STAB2: variants seen among roughly 807,000 people sequenced by gnomAD.
STAB2 encodes stabilin-2.
In STAB2, 288 loss-of-function variants were observed where a neutral mutation model predicts 338.1. That is an observed-to-expected ratio of 0.85 (90% CI 0.77 to 0.94). The LOEUF (loss-of-function observed/expected upper bound fraction) is 0.94. STAB2 is among the 40% of genes least tolerant of loss of function. The pLI is 0.00. For missense variants in STAB2, 3,141 were observed against 3,210.1 expected, an observed-to-expected ratio of 0.98 and a Z score of 0.52; for synonymous variants, 1,202 against 1,193.3, an observed-to-expected ratio of 1.01 and a Z score of -0.15.
chr12:103,766,209 C>T, intron 68 of STAB2, 77 bp from the exon 69 acceptor site: 1 of 1,576,086 alleles, frequency 6.3e-7, no homozygotes, highest in Non-Finnish European at 8.7e-7. Context: ...ATGCCTCAGA[C>T]CAGTGGCCAC....
intron 10 of STAB2, 45 bp from the exon 11 acceptor site, chr12:103,650,450 TG>T (rs1873653237): frequency 6.4e-7 from 1 of 1,563,458 alleles, no homozygotes; most frequent in Non-Finnish European, 8.8e-7. Context: ...CCTGTACCAC[TG>T]ACTCATTTGG....
intron 3 of STAB2, among the ~76,000 whole-genome samples, chr12:103,602,023 T>C (rs1237321904): frequency 6.6e-6 from 1 of 152,228 alleles, no homozygotes; most frequent in Non-Finnish European, 1.5e-5. Context: ...AGTATACAGC[T>C]ATTCAAGCTT....
At position 103,637,339 on chromosome 12, in the gene STAB2, T is replaced by C. The variant is rs568246674; in HGVS notation, c.709+103T>C. 8.4e-5 allele frequency: 123 copies of C among 1,459,120 alleles called. No individual in the cohort carries two copies. The African/African-American group carries it at 1.4e-3, about 17-fold the overall frequency. 90.4% of individuals were successfully genotyped at this position (1,459,120 alleles called of 1,614,324 possible). ...CTCCTTAACACAATGACCATTTCTA[T>C]TTCTCGCTGTGTAGTTGAGTGAAAC... On this transcript the variant is annotated intron_variant, in intron 7 of 68. Transcript: ENST00000388887.
Position 103,740,665 on chromosome 12 carries a change from C to T in STAB2, c.5790C>T (p.Phe1930=), listed in dbSNP as rs1229656884. 5.0e-6 allele frequency: 8 copies of T among 1,612,056 alleles called. No homozygotes were observed. In the Admixed American group the frequency reaches 1.3e-4, roughly 27 times the overall value. ...AGAAGTGTCTCTACAACCTGCCCTT[C>T]AAGAGGAACCTGGAAGGCTGCCGGG... ...VKQKCLYNLP[F]KRNLEGCRER... The change falls in exon 55 of 69, where the codon TTC becomes TTT. Residue 1930 remains phenylalanine, a synonymous_variant. Transcript: ENST00000388887.
intron 15 of STAB2, chr12:103,657,580 A>C (rs1874288080): frequency 6.6e-6 from 1 of 152,066 alleles, no homozygotes; most frequent in African/African-American, 2.4e-5. Flanking sequence ...TTATAGCTTG[A>C]AATAAGCCTT....
chr12:103,709,499 G>T (rs1221613195), intron 39 of STAB2, among the ~76,000 whole-genome samples: 1 of 152,192 alleles, frequency 6.6e-6, no homozygotes. Context: ...CTGGAAGCAG[G>T]TATCAGAGAC....
intron 44 of STAB2, among the ~76,000 whole-genome samples, chr12:103,718,336 AC>A (rs199878460): frequency 0.042 from 6,351 of 152,030 alleles, 183 homozygotes; most frequent in Non-Finnish European, 0.061. Flanking sequence ...TTCTACTCTC[AC>A]CCCACAACTA....
chr12:103,612,840 G>A (rs145971094), intron 3 of STAB2, among the ~76,000 whole-genome samples: 1,629 of 152,248 alleles, frequency 0.011, 40 homozygotes, highest in African/African-American at 0.037. Context: ...GGTCTTTGAT[G>A]AAGGTGACGT....
chr12:103,739,527 C>CTG (rs35471201), intron 54 of STAB2, 59 bp downstream of exon 54: 24,711 of 670,406 alleles, frequency 0.037, 436 homozygotes, highest in East Asian at 0.1. Context: ...ATTATCAGAC[C>CTG]TGTGTGTGTG....
At chr12:103,695,035 T>C (rs1878278672) in intron 31 of STAB2, among the ~76,000 whole-genome samples, 1 of 152,182 alleles carries the variant, frequency 6.6e-6, no homozygotes, top group Non-Finnish European at 1.5e-5. Context: ...AAAAATGTCC[T>C]ATTATTACAT....
chr12:103,685,761 T>C (rs909130612), intron 27 of STAB2, among the ~76,000 whole-genome samples: 2 of 152,232 alleles, frequency 1.3e-5, no homozygotes, highest in Admixed American at 1.3e-4. Flanking sequence ...TAAATCAGCA[T>C]TGCTCCTACA....
At chr12:103,706,359 G>A (rs763935532) in intron 37 of STAB2, among the ~76,000 whole-genome samples, 1 of 152,136 alleles carries the variant, frequency 6.6e-6, no homozygotes, top group African/African-American at 2.4e-5. Flanking sequence ...TTTGTAAAAT[G>A]CCAAAAGCCT....
At chr12:103,628,578 C>G (rs1957414717) in intron 5 of STAB2, among the ~76,000 whole-genome samples, 1 of 152,178 alleles carries the variant, frequency 6.6e-6, no homozygotes, top group South Asian at 2.1e-4. Flanking sequence ...AGAAGAAGGT[C>G]CTTCCTTGCT....
At chr12:103,759,981 G>A (rs1045263323) in intron 65 of STAB2, among the ~76,000 whole-genome samples, 2 of 152,198 alleles carry the variant, frequency 1.3e-5, no homozygotes, top group Non-Finnish European at 2.9e-5. Flanking sequence ...TTTAGGCTAA[G>A]GGCAGTAAAT....
At chr12:103,597,095 G>A (rs188915697) in intron 3 of STAB2, among the ~76,000 whole-genome samples, 20 of 152,044 alleles carry the variant, frequency 1.3e-4, no homozygotes, top group African/African-American at 4.8e-4. Flanking sequence ...TTTCACTGGG[G>A]CAAAACGGTA....
At chr12:103,606,489 C>T (rs2138580094) in intron 3 of STAB2, among the ~76,000 whole-genome samples, 1 of 151,974 alleles carries the variant, frequency 6.6e-6, no homozygotes, top group South Asian at 2.1e-4. Flanking sequence ...TATTTTTTTT[C>T]TTCCTGACCA....
Position 103,707,005 on chromosome 12 carries a change from C to A in STAB2, c.4192+18C>A. 1 of 1,612,190 alleles carries A rather than the reference C, an allele frequency of 6.2e-7. No homozygotes were observed. Among genetic ancestry groups the A allele is most frequent in the Non-Finnish European group, 8.5e-7 (1 of 1,178,786 alleles). ...TGACCAAGGTGAGCACCGTCCTCTC[C>A]ACAGAGGATCTTGGGCTGCTGAAAC... On this transcript the variant is annotated intron_variant, in intron 38 of 68. Transcript: ENST00000388887.
In STAB2 at chr12:103,651,638, T is replaced by C. The variant is rs1873752404; in HGVS notation, c.1258-918T>C. ...AGATCTTGATTTTTATTGTGTGTTC[T>C]TGTCATCTGTCTTAAATGCTCTGTG... On this transcript the variant is annotated intron_variant, in intron 11 of 68. Transcript: ENST00000388887. Among the ~76,000 whole-genome samples the C allele has an allele frequency of 2.0e-5, 3 of 152,270 alleles. No homozygotes were observed. In the South Asian group the frequency reaches 6.2e-4, roughly 32 times the overall value.
intron 2 of STAB2, among the ~76,000 whole-genome samples, chr12:103,592,701 G>C (rs972615007): frequency 1.3e-4 from 20 of 151,906 alleles, no homozygotes; most frequent in African/African-American, 4.6e-4. Context: ...CCTCTTTTTT[G>C]TGATAAGAAC....
Sources: allele counts gnomAD v4.1 joint callset (sites outside exome capture counted in the v4.1 genomes callset), GRCh38; gene constraint gnomAD v4.1.1; transcripts MANE v1.5; gene names NCBI Gene and HGNC (gene_info 2026-07-23, HGNC 2026-07-21).